The following ADGRL1 variants were observed in gnomAD, a reference collection of about 807,000 sequenced individuals.
ADGRL1 encodes adhesion G protein-coupled receptor L1.
A neutral mutation model predicts 148.9 loss-of-function variants in ADGRL1; 31 were observed. The observed-to-expected ratio is 0.21, with a 90% CI of 0.16 to 0.28. The LOEUF is 0.28. Ranked by LOEUF, ADGRL1 falls within the 10% of genes least tolerant of loss-of-function variation. The pLI is 1.00. For synonymous variants in ADGRL1, 937 were observed against 900.3 expected, an observed-to-expected ratio of 1.04 and a Z score of -0.73; for missense variants, 1,521 against 2,058.8, an observed-to-expected ratio of 0.74 and a Z score of 5.05.
intron 16 of ADGRL1, 108 bp from the exon 17 acceptor site, chr19:14,156,309 C>T (rs1968738264): frequency 2.3e-6 from 2 of 878,834 alleles, no homozygotes; most frequent in Non-Finnish European, 1.8e-6. Flanking sequence ...GCCCTCGCCT[C>T]TGCTGGGAGA....
At chr19:14,156,559 G>T in intron 16 of ADGRL1, 99 bp downstream of exon 16, 1 of 809,092 alleles carries the variant, frequency 1.2e-6, no homozygotes. Flanking sequence ...GAGAGTGTGT[G>T]TGTGTGTGGG....
In ADGRL1 at chr19:14,151,157, G is replaced by C. The variant is rs745949089; in HGVS notation, c.4126C>G (p.Arg1376Gly). 68 of 1,605,724 alleles carry C rather than the reference G, an allele frequency of 4.2e-5. No individual in the cohort carries two copies. The highest frequency in any genetic ancestry group is 2.2e-4 in the South Asian group (20 of 90,154). ...TSRPLSSPPG[R>G]DSLYASGANL... ...GCCCCGCTGGCATAGAGGGAGTCCC[G>C]GCCAGGAGGGGAGGAGAGGGGCCGG... The change falls in exon 23 of 23, where the codon CGG becomes GGG. Residue 1376 changes from arginine (R) to glycine (G), a missense_variant. Arg to Gly is a moderately radical substitution (Grantham distance 125, BLOSUM62 -2). This residue lies in a region of ADGRL1 where 390 missense variants were observed against 375.0 expected (regional missense o/e 1.04). Coordinates refer to ENST00000361434, the MANE Select transcript of ADGRL1 (RefSeq NM_014921.5).
Position 14,159,324 on chromosome 19 carries a change from C to A in ADGRL1, c.2023+77G>T, listed in dbSNP as rs571901491. 2 of 1,571,858 alleles carry A rather than the reference C, an allele frequency of 1.3e-6. No individual in the cohort carries two copies. The highest frequency in any genetic ancestry group is 4.5e-5 in the East Asian group (2 of 44,334). ...CAAGATGCCCAAGGGTCGGATAGCC[C>A]CCCTGTGGCCTCCAGGCCAGAACCC... is the stretch of plus-strand genomic sequence containing the variant. On this transcript the variant is annotated intron_variant, in intron 10 of 22. Coordinates refer to ENST00000361434, the MANE Select transcript of ADGRL1 (RefSeq NM_014921.5). This position sits in a 1 kb window ranked among gnomAD's most constrained non-coding sequence, Gnocchi z 6.0.
In ADGRL1 at chr19:14,151,425, G is replaced by C. The variant is rs756616877; in HGVS notation, c.3858C>G (p.Asn1286Lys). ...EKMIISELVH[N>K]NLRGSSSAAK... ...CCGCGCTGCTGCTCCCCCGCAGGTT[G>C]TTGTGCACCAGCTCTGAGATGATCA... The change falls in exon 23 of 23, where the codon AAC becomes AAG. Residue 1286 changes from asparagine (N) to lysine (K), a missense_variant. Transcript: ENST00000361434. 2 of 1,612,874 alleles carry C rather than the reference G, an allele frequency of 1.2e-6. No individual in the cohort carries two copies. The highest frequency in any genetic ancestry group is 8.5e-7 in the Non-Finnish European group (1 of 1,179,816).
At chr19:14,158,813 T>C (rs1969040084) in intron 11 of ADGRL1, among the ~76,000 whole-genome samples, 1 of 152,222 alleles carries the variant, frequency 6.6e-6, no homozygotes, top group Non-Finnish European at 1.5e-5. Flanking sequence ...CCATTCTCAC[T>C]GTGTGACCTT....
At chr19:14,166,898 C>T (rs1970025617) in intron 4 of ADGRL1, 1 of 1,093,826 alleles carries the variant, frequency 9.1e-7, no homozygotes, top group African/African-American at 1.6e-5. Flanking sequence ...GGGATACCGA[C>T]CGGACCAAGT....
chr19:14,158,181 T>G (rs1968963480), intron 12 of ADGRL1, 129 bp from the exon 13 acceptor site: 12 of 1,238,380 alleles, frequency 9.7e-6, no homozygotes, highest in Non-Finnish European at 1.4e-5. Context: ...GGGCTCCAGT[T>G]GACATTCTGA....
rs989127038 is a variant in ADGRL1 at position 14,183,834 on chromosome 19, C to G, written c.-95-137G>C. On this transcript the variant is annotated intron_variant, in intron 1 of 22. Coordinates refer to ENST00000361434, the MANE Select transcript of ADGRL1 (RefSeq NM_014921.5). ...GCCAGCCCTATCTGTAGGGCCCCCT[C>G]CGGGGTCTGCAGCTCACACCACACC... The G allele has an allele frequency of 5.5e-6, 3 of 545,428 alleles. No individual in the cohort carries two copies. In the African/African-American group the frequency reaches 5.8e-5, roughly 11 times the overall value. 33.8% of individuals were successfully genotyped at this position (545,428 alleles called of 1,614,324 possible). A position where few individuals can be genotyped will look rare whatever the true frequency, so the allele number is the denominator to read the frequency against.
chr19:14,159,079 G>A lies in ADGRL1; in HGVS notation c.2149+11C>T. 6.2e-7 allele frequency: 1 copy of A among 1,613,448 alleles called. No individual in the cohort carries two copies. ...TGCTTCCCCACCCGAGGCCCCGCCG[G>A]GGACACTGACCATTGCGGCTGTTCT... On this transcript the variant is annotated intron_variant, in intron 11 of 22. Coordinates refer to ENST00000361434, the MANE Select transcript of ADGRL1 (RefSeq NM_014921.5). The surrounding 1 kb of genome is among the most constrained non-coding windows in gnomAD (Gnocchi z 6.0).
chr19:14,194,125 T>C (rs1972114265), intron 1 of ADGRL1, among the ~76,000 whole-genome samples: 1 of 152,152 alleles, frequency 6.6e-6, no homozygotes, highest in African/African-American at 2.4e-5. Flanking sequence ...GCACCTGTAG[T>C]CCCAGCTGCT....
At chr19:14,189,932 A>T (rs1228920794) in intron 1 of ADGRL1, among the ~76,000 whole-genome samples, 3 of 152,056 alleles carry the variant, frequency 2.0e-5, no homozygotes, top group Admixed American at 6.6e-5. Flanking sequence ...ATGCTATAAT[A>T]ATTATTATTA....
chr19:14,161,294 T>G lies in ADGRL1; in HGVS notation c.1510+18A>C. 6.5e-7 allele frequency: 1 copy of G among 1,537,324 alleles called. No individual in the cohort carries two copies. The highest frequency in any genetic ancestry group is 8.7e-7 in the Non-Finnish European group (1 of 1,150,418). On this transcript the variant is annotated intron_variant, in intron 6 of 22. Transcript: ENST00000361434. The surrounding 1 kb of genome is among the most constrained non-coding windows in gnomAD (Gnocchi z 4.4). ...GCATGGCCCCCATCCCTCCCCTGGC[T>G]GCAGCCTCTGTACTCACCTCGAGTC...
intron 3 of ADGRL1, among the ~76,000 whole-genome samples, chr19:14,177,055 CT>C (rs1296202493): frequency 6.6e-6 from 1 of 152,078 alleles, no homozygotes; most frequent in Non-Finnish European, 1.5e-5. Flanking sequence ...TTACAAAACC[CT>C]GTCTCTACTA....
intron 1 of ADGRL1, among the ~76,000 whole-genome samples, chr19:14,194,687 G>A (rs112050436): frequency 6.6e-6 from 1 of 152,096 alleles, no homozygotes; most frequent in African/African-American, 2.4e-5. Flanking sequence ...GGGGGATCCT[G>A]GGGGGCCAGA....
In ADGRL1 at chr19:14,155,522, C is replaced by T. The variant is rs1186349522; in HGVS notation, c.3131G>A (p.Trp1044Ter). 6.2e-7 allele frequency: 1 copy of T among 1,613,258 alleles called. No homozygotes were observed. Among genetic ancestry groups the T allele is most frequent in the Non-Finnish European group, 8.5e-7 (1 of 1,179,828 alleles). Reference protein sequence around the residue: ...DSSRLDNIKSWALGAIALLFL... With the variant: ...DSSRLDNIKS ...CAGCAGCGCGATGGCCCCCAGCGCC[C>T]AGGATCTGGGAGTGGGGCGACAGGG... is the stretch of plus-strand genomic sequence containing the variant. Residue 1044 changes from tryptophan to a stop codon, truncating the protein, a stop_gained, in exon 18 of 23, where the codon TGG (tryptophan) becomes TAG (stop). Coordinates refer to ENST00000361434, the MANE Select transcript of ADGRL1 (RefSeq NM_014921.5). LOFTEE classifies it high-confidence loss of function. The surrounding 1 kb of genome is among the most constrained non-coding windows in gnomAD (Gnocchi z 5.0).
rs752936218 is a variant in ADGRL1, at chr19:14,160,074, C to T, written c.1800+38G>A. On this transcript the variant is annotated intron_variant, in intron 8 of 22. Coordinates refer to ENST00000361434, the MANE Select transcript of ADGRL1 (RefSeq NM_014921.5). The surrounding 1 kb of genome is among the most constrained non-coding windows in gnomAD (Gnocchi z 5.9). ...TTCCCAAGCCCCTGGGGGCAGGCGC[C>T]CTCCCCATACCAGGTCAGCGCCACC... 1.3e-6 allele frequency: 2 copies of T among 1,537,056 alleles called. No individual in the cohort carries two copies. Among genetic ancestry groups the T allele is most frequent in the Non-Finnish European group, 1.8e-6 (2 of 1,137,310 alleles).
intron 1 of ADGRL1, among the ~76,000 whole-genome samples, chr19:14,185,091 G>A (rs746470283): frequency 7.3e-5 from 11 of 151,656 alleles, no homozygotes; most frequent in Non-Finnish European, 1.3e-4. Flanking sequence ...TCCAGGACTC[G>A]GTTCTAACTG....
Position 14,152,322 on chromosome 19 carries a change from G to A in ADGRL1, c.3636C>T (p.Val1212=), listed in dbSNP as rs754655789. Residue 1212 remains valine (V), a synonymous_variant, in exon 21 of 23, where the codon GTC becomes GTT. Coordinates refer to ENST00000361434, the MANE Select transcript of ADGRL1 (RefSeq NM_014921.5). This position sits in a 1 kb window ranked among gnomAD's most constrained non-coding sequence, Gnocchi z 6.1. The part of the protein sequence containing the change: ...SVGFNPSSPP[V]FNSPGSYREP... ...CCGTGCTCTCACCTGGGGAGTTGAA[G>A]ACAGGGGGCGAGGAGGGATTGAAGC... 17 of 1,596,980 alleles carry A rather than the reference G, an allele frequency of 1.1e-5. No homozygotes were observed. Among genetic ancestry groups the A allele is most frequent in the Non-Finnish European group, 1.5e-5 (17 of 1,169,760 alleles).
Position 14,149,077 on chromosome 19 carries a change from G to GC in ADGRL1, c.*1795dup, listed in dbSNP as rs1381842762. The GC allele has an allele frequency of 6.6e-6, 1 of 152,572 alleles. No homozygotes were observed. Among genetic ancestry groups the GC allele is most frequent in the African/African-American group, 2.4e-5 (1 of 41,416 alleles). 9.5% of individuals were successfully genotyped at this position (152,572 alleles called of 1,614,324 possible). ...TGGAGGGGCCACCTCTGGGGAAACG[G>GC]CAATGCAGGGGCTGGGCTAGGGTGG... On this transcript the variant is annotated 3_prime_UTR_variant, in exon 23 of 23. Transcript: ENST00000361434.
Sources: gnomAD v4.1 joint callset for allele counts (sites outside exome capture counted in the v4.1 genomes callset) on GRCh38, gnomAD v4.1.1 for gene constraint, gnomAD v4.1.1 regional missense constraint, Gnocchi (gnomAD v3.1) non-coding constraint, MANE v1.5 for transcripts, NCBI Gene and HGNC (gene_info 2026-07-23, HGNC 2026-07-21) for gene names.